Variants in PLSCR2 observed in about 807,000 individuals in gnomAD.
PLSCR2 encodes PL scramblase 2.
In PLSCR2, 18 loss-of-function variants were observed where a neutral mutation model predicts 25.3. The ratio of observed to expected loss-of-function variants is 0.71; its 90% CI spans 0.49 to 1.06. The LOEUF (loss-of-function observed/expected upper bound fraction) is 1.06, where lower values mean the gene tolerates loss of function less well. Ranked by LOEUF, PLSCR2 falls within the 50% of genes least tolerant of loss-of-function variation. The probability of loss-of-function intolerance (pLI) is 0.00; values close to 1 mark genes in which losing one functional copy is unlikely to be tolerated. For missense variants in PLSCR2, 243 were observed against 269.5 expected (o/e 0.90, Z 0.69); for synonymous variants, 88 against 87.3 (o/e 1.01, Z -0.04).
rs2041055968 is a variant in PLSCR2, at chr3:146,454,076, GA to G, written c.408del (p.Gln137ArgfsTer7). On this transcript the variant is annotated frameshift_variant, in exon 5 of 7. Transcript: ENST00000610787. LOFTEE classifies it high-confidence loss of function. Reference sequence around the variant, plus strand: ...ATTTTTAGTACATCCTCTCTTTTCTGATTTTTAATTGTAAACTTTGTTAGAC... The same window carrying G: ...ATTTTTAGTACATCCTCTCTTTTCTGTTTTTAATTGTAAACTTTGTTAGAC... 1 of 1,610,296 alleles carries G rather than the reference GA, an allele frequency of 6.2e-7. No individual in the cohort carries two copies. The highest frequency in any genetic ancestry group is 8.5e-7 in the Non-Finnish European group (1 of 1,178,604).
chr3:146,400,932 T>C (rs1275681933), intron 2 of PLSCR2, among the ~76,000 whole-genome samples: 2 of 152,094 alleles, frequency 1.3e-5, no homozygotes, highest in South Asian at 2.1e-4. Flanking sequence ...TTACAAATCA[T>C]GGTGTTTAAA....
At chr3:146,491,727 T>C (rs1247942937) in intron 1 of PLSCR2, among the ~76,000 whole-genome samples, 1 of 152,170 alleles carries the variant, frequency 6.6e-6, no homozygotes, top group African/African-American at 2.4e-5. Context: ...AAAATGACTA[T>C]GCCACTTTTC....
downstream of PLSCR2, among the ~76,000 whole-genome samples, chr3:146,439,198 G>T (rs1167104609): frequency 1.3e-5 from 2 of 152,134 alleles, no homozygotes; most frequent in Non-Finnish European, 1.5e-5. Flanking sequence ...CTCTCTGGCT[G>T]CCCTTAACAT....
At chr3:146,440,110 G>A (rs372121209), downstream of PLSCR2, among the ~76,000 whole-genome samples, 1 of 152,278 alleles carries the variant, frequency 6.6e-6, no homozygotes, top group South Asian at 2.1e-4. Flanking sequence ...AACGGCAAAT[G>A]TTGCTGCCTG....
At chr3:146,391,802 T>A (rs1032936335) in intron 3 of PLSCR2, among the ~76,000 whole-genome samples, 2 of 152,144 alleles carry the variant, frequency 1.3e-5, no homozygotes, top group South Asian at 4.1e-4. Context: ...TAAAGGCCCT[T>A]AGAGATCAGC....
intron 6 of PLSCR2, among the ~76,000 whole-genome samples, chr3:146,445,290 T>A (rs1245490839): frequency 6.6e-6 from 1 of 152,174 alleles, no homozygotes; most frequent in Non-Finnish European, 1.5e-5. Context: ...TTGTTGCTCA[T>A]TAACATCTGC....
chr3:146,437,170 T>C (rs7623211), downstream of PLSCR2, among the ~76,000 whole-genome samples: 1,524 of 152,208 alleles, frequency 0.01, 26 homozygotes, highest in African/African-American at 0.035. Flanking sequence ...CTGCTGGATT[T>C]GGTTTGCCAG....
chr3:146,459,872 C>T lies in PLSCR2; in HGVS notation c.33G>A (p.Pro11=), dbSNP rs61743814. 3.5e-5 allele frequency: 57 copies of T among 1,612,198 alleles called. No individual in the cohort carries two copies. In the African/African-American group the frequency reaches 5.2e-4, roughly 15 times the overall value. Residue 11 remains proline, a synonymous_variant, in exon 2 of 7, where the codon CCG becomes CCA. Transcript: ENST00000610787. ...CCTGACTTAAGTATTCCAATCCTGG[C>T]GGACAGTTTAATGGTGGTGGTGGTG...
intron 2 of PLSCR2, among the ~76,000 whole-genome samples, chr3:146,410,734 A>G (rs2038819117): frequency 6.6e-6 from 1 of 152,200 alleles, no homozygotes; most frequent in Non-Finnish European, 1.5e-5. Flanking sequence ...CATAAAACAA[A>G]CAATTGACCC....
At position 146,469,043 on chromosome 3, in the gene PLSCR2, G is replaced by A. The variant is rs562215777; in HGVS notation, c.-292-8759C>T. 20 of 779,700 alleles carry A rather than the reference G, an allele frequency of 2.6e-5. No homozygotes were observed. In the East Asian group the frequency reaches 1.5e-3, roughly 59 times the overall value. 48.3% of individuals were successfully genotyped at this position (779,700 alleles called of 1,614,324 possible). On this transcript the variant is annotated intron_variant, in intron 1 of 8. Transcript: ENST00000336685. ...TACATACCGCCACTATCTTTCCTAA[G>A]CTGGTATTGTAGAGGGCCTAGCATA...
intron 2 of PLSCR2, among the ~76,000 whole-genome samples, chr3:146,403,138 T>C (rs1437816434): frequency 1.9e-5 from 2 of 103,006 alleles, no homozygotes; most frequent in Non-Finnish European, 4.2e-5. Context: ...TCTTCACATA[T>C]TGTAAACACA....
At position 146,396,287 on chromosome 3, in the gene PLSCR2, T is replaced by C. The variant is rs181607337; in HGVS notation, c.101-366A>G. On this transcript the variant is annotated intron_variant and NMD_transcript_variant, in intron 2 of 3. Coordinates refer to the PLSCR2 transcript ENST00000463633. Reference sequence around the variant, plus strand: ...TCCCAACTCTTTCATAAGTGCTTTTTATTTTCTGGTTCCCTTTACTTTTTC... The same window carrying C: ...TCCCAACTCTTTCATAAGTGCTTTTCATTTTCTGGTTCCCTTTACTTTTTC... 2.6e-5 allele frequency among the ~76,000 whole-genome samples: 4 copies of C among 152,320 alleles called. No homozygotes were observed. The East Asian group carries it at 7.7e-4, about 29-fold the overall frequency.
chr3:146,443,988 T>C (rs1052291306), intron 6 of PLSCR2, among the ~76,000 whole-genome samples: 1 of 152,032 alleles, frequency 6.6e-6, no homozygotes, highest in African/African-American at 2.4e-5. Context: ...AATTAACCTG[T>C]TAATTTCCTT....
At chr3:146,485,541 A>G (rs567108843) in intron 1 of PLSCR2, among the ~76,000 whole-genome samples, 38 of 152,272 alleles carry the variant, frequency 2.5e-4, no homozygotes, top group Admixed American at 2.5e-3. Flanking sequence ...AATTAATCAC[A>G]TAACTGGAAG....
downstream of PLSCR2, among the ~76,000 whole-genome samples, chr3:146,431,994 A>C (rs1460601245): frequency 6.6e-6 from 1 of 151,864 alleles, no homozygotes; most frequent in African/African-American, 2.4e-5. Flanking sequence ...TGTTTATTTT[A>C]ATTATTTTAC....
chr3:146,440,116 G>C (rs1000142835), downstream of PLSCR2, among the ~76,000 whole-genome samples: 1 of 152,178 alleles, frequency 6.6e-6, no homozygotes, highest in Non-Finnish European at 1.5e-5. Context: ...AAATGTTGCT[G>C]CCTGATCCTT....
chr3:146,419,696 T>C (rs2039087285), intron 2 of PLSCR2, among the ~76,000 whole-genome samples: 1 of 152,108 alleles, frequency 6.6e-6, no homozygotes, highest in East Asian at 1.9e-4. Flanking sequence ...GCCTTATCCA[T>C]GTTCCAGAGG....
At chr3:146,464,060 G>A (rs965541711), upstream of PLSCR2, 4 of 751,584 alleles carry the variant, frequency 5.3e-6, no homozygotes, top group African/African-American at 1.9e-5. Flanking sequence ...TAGAACAATC[G>A]GAATCCAGTT....
At chr3:146,460,396 T>C (rs970011102) in exon 1 of PLSCR2, 7 of 184,140 alleles carry the variant, frequency 3.8e-5, no homozygotes, top group Admixed American at 6.5e-5. Context: ...TAAAGTGATC[T>C]ATATGAAGAT....
Sources: allele counts gnomAD v4.1 joint callset (sites outside exome capture counted in the v4.1 genomes callset), GRCh38; gene constraint gnomAD v4.1.1; transcripts MANE v1.5; gene names NCBI Gene and HGNC (gene_info 2026-07-23, HGNC 2026-07-21).